The following NRXN3 variants were observed in gnomAD, a reference collection of about 807,000 sequenced individuals.
NRXN3 encodes the protein neurexin 3.
In NRXN3, 32 loss-of-function variants were observed where a neutral mutation model predicts 137.6. The ratio of observed to expected loss-of-function variants is 0.23; its 90% CI spans 0.18 to 0.31. The LOEUF (loss-of-function observed/expected upper bound fraction) is 0.31. Ranked by LOEUF, NRXN3 falls within the 10% of genes least tolerant of loss-of-function variation. NRXN3 has a pLI of 1.00. For missense variants in NRXN3, 1,574 were observed against 2,062.5 expected, an observed-to-expected ratio of 0.76 and a Z score of 4.59; for synonymous variants, 798 against 784.5, an observed-to-expected ratio of 1.02 and a Z score of -0.29.
At chr14:78,392,239 C>T (rs894435479) in intron 4 of NRXN3, among the ~76,000 whole-genome samples, 2 of 152,190 alleles carry the variant, frequency 1.3e-5, no homozygotes, top group Admixed American at 1.3e-4. Context: ...TCCATGGCTC[C>T]ACTGTGGGAA....
At chr14:79,638,348 C>T (rs1388864383) in intron 16 of NRXN3, among the ~76,000 whole-genome samples, 1 of 152,006 alleles carries the variant, frequency 6.6e-6, no homozygotes, top group Non-Finnish European at 1.5e-5. Flanking sequence ...TCTTTTTCTA[C>T]TTATGTGATC....
intron 15 of NRXN3, among the ~76,000 whole-genome samples, chr14:79,050,959 G>T (rs574580703): frequency 6.6e-6 from 1 of 152,180 alleles, no homozygotes; most frequent in East Asian, 1.9e-4. Flanking sequence ...TGAACACTCT[G>T]TGCCCAGAAC....
chr14:79,703,289 G>A (rs1471664021), intron 19 of NRXN3, among the ~76,000 whole-genome samples: 1 of 152,124 alleles, frequency 6.6e-6, no homozygotes, highest in Non-Finnish European at 1.5e-5. Context: ...TGTCAGACTG[G>A]AGACAGTAAG....
intron 19 of NRXN3, among the ~76,000 whole-genome samples, chr14:79,794,357 C>T (rs1249131209): frequency 1.3e-5 from 2 of 151,916 alleles, no homozygotes; most frequent in Non-Finnish European, 2.9e-5. Flanking sequence ...GAGTGAGACT[C>T]TGTCTCAAAA....
In NRXN3 at chr14:79,073,665, C is replaced by A. The variant is rs138591405; in HGVS notation, c.3262+85524C>A. Among the ~76,000 whole-genome samples the A allele has an allele frequency of 2.1e-4, 32 of 152,242 alleles. No homozygotes were observed. The East Asian group carries it at 6.2e-3, about 29-fold the overall frequency. ...CCTTCCCTTTGCAACTGTTCCCAGC[C>A]CTTCTTTAAAAATCTAAGTCAGAAA... On this transcript the variant is annotated intron_variant, in intron 15 of 20. Coordinates refer to ENST00000335750, the MANE Select transcript of NRXN3 (RefSeq NM_001330195.2).
intron 8 of NRXN3, among the ~76,000 whole-genome samples, chr14:78,773,870 T>G (rs2098736601): frequency 6.6e-6 from 1 of 152,120 alleles, no homozygotes; most frequent in Non-Finnish European, 1.5e-5. Flanking sequence ...GGCGCGATCT[T>G]GGCTCACTGC....
In NRXN3 at chr14:79,861,389, G is replaced by A. The variant is rs1203264894; in HGVS notation, c.4141G>A (p.Ala1381Thr). Residue 1381 changes from alanine to threonine, a missense_variant, in exon 21 of 21, where the codon GCG becomes ACG. By Grantham distance (58) the Ala-to-Thr change is moderately conservative. Around this residue, in one of 5 missense-constraint regions of NRXN3, gnomAD observed 320 missense variants for 387.1 expected, o/e 0.83. Coordinates refer to ENST00000335750, the MANE Select transcript of NRXN3 (RefSeq NM_001330195.2). This position sits in a 1 kb window ranked among gnomAD's most constrained non-coding sequence, Gnocchi z 5.4. ...SIFEGGYKAHAPKWESKDFRP... is the reference protein window; with the variant it reads ...SIFEGGYKAHTPKWESKDFRP... ...CTTCGAAGGTGGCTACAAAGCACATGCGCCCAAGTGGGAATCCAAGGACTT... is the reference window on the plus strand; with the variant it reads ...CTTCGAAGGTGGCTACAAAGCACATACGCCCAAGTGGGAATCCAAGGACTT... 2.0e-6 allele frequency: 3 copies of A among 1,536,074 alleles called. No individual in the cohort carries two copies. In the African/African-American group the frequency reaches 4.1e-5, roughly 21 times the overall value.
chr14:78,508,865 T>C (rs955712323), intron 4 of NRXN3, among the ~76,000 whole-genome samples: 1 of 152,144 alleles, frequency 6.6e-6, no homozygotes, highest in African/African-American at 2.4e-5. Context: ...AATAAAAAAA[T>C]AGATTTTAAG....
chr14:78,205,863 G>C (rs150446904), intron 1 of NRXN3, among the ~76,000 whole-genome samples: 103 of 152,336 alleles, frequency 6.8e-4, no homozygotes, highest in African/African-American at 2.1e-3. Context: ...GAATGGGTGA[G>C]AGAGGACCAG....
At chr14:78,436,111 A>G (rs556127515) in intron 4 of NRXN3, among the ~76,000 whole-genome samples, 90 of 152,274 alleles carry the variant, frequency 5.9e-4, no homozygotes, top group South Asian at 1.9e-3. Context: ...AAAGAAAATC[A>G]CAGGTTAACT....
intron 4 of NRXN3, among the ~76,000 whole-genome samples, chr14:78,496,101 G>A (rs918448345): frequency 6.6e-6 from 1 of 152,170 alleles, no homozygotes; most frequent in Non-Finnish European, 1.5e-5. Flanking sequence ...TTCCATTAAT[G>A]ACCTGGATAG....
At chr14:78,345,460 A>T (rs993172158) in intron 4 of NRXN3, among the ~76,000 whole-genome samples, 1 of 152,186 alleles carries the variant, frequency 6.6e-6, no homozygotes, top group Admixed American at 6.5e-5. Context: ...TGCTAAGAAG[A>T]TAAAATTAAT....
intron 10 of NRXN3, among the ~76,000 whole-genome samples, chr14:78,865,842 A>G (rs1052651142): frequency 6.6e-6 from 1 of 152,188 alleles, no homozygotes; most frequent in Admixed American, 6.5e-5. Flanking sequence ...CATTTATTCA[A>G]TCAATGAGAG....
rs3037807 is a variant in NRXN3 at position 78,374,769 on chromosome 14, CAA to C, written c.757+76933_757+76934del. ...TGGGGACAGAGTGAGACTCCATCTCCAAAAAAAAAAAAAAAAAAAAAAAAAGC... is the reference window on the plus strand; with the variant it reads ...TGGGGACAGAGTGAGACTCCATCTCCAAAAAAAAAAAAAAAAAAAAAAAGC... On this transcript the variant is annotated intron_variant, in intron 4 of 20. Transcript: ENST00000335750. Among the ~76,000 whole-genome samples, 57 of 115,496 alleles carry C rather than the reference CAA, an allele frequency of 4.9e-4. No individual in the cohort carries two copies. The South Asian group carries it at 0.016, about 33-fold the overall frequency. The allele number at this position is 115,496 out of a possible 152,430, so 75.8% of individuals were successfully genotyped here. A position where few individuals can be genotyped will look rare whatever the true frequency, so the allele number is the denominator to read the frequency against.
intron 15 of NRXN3, among the ~76,000 whole-genome samples, chr14:78,994,508 A>G (rs1448040290): frequency 6.6e-6 from 1 of 152,230 alleles, no homozygotes; most frequent in Non-Finnish European, 1.5e-5. Context: ...TAGGCCTCAT[A>G]GGGCTCAAAT....
chr14:78,352,517 C>G (rs977795198), intron 4 of NRXN3, among the ~76,000 whole-genome samples: 9 of 152,250 alleles, frequency 5.9e-5, no homozygotes, highest in African/African-American at 1.9e-4. Context: ...ACCATGACCC[C>G]TGGTTGAAGA....
At chr14:78,263,730 G>T (rs2071185916) in intron 2 of NRXN3, among the ~76,000 whole-genome samples, 1 of 152,010 alleles carries the variant, frequency 6.6e-6, no homozygotes, top group South Asian at 2.1e-4. Context: ...ATGTTCTTTT[G>T]TGGCCATTAT....
At position 79,380,623 on chromosome 14, in the gene NRXN3, G is replaced by A. The variant is rs186889545; in HGVS notation, c.3263-86598G>A. Among the ~76,000 whole-genome samples, 34 of 152,230 alleles carry A rather than the reference G, an allele frequency of 2.2e-4. 1 individual carries two copies. Among genetic ancestry groups the A allele is most frequent in the African/African-American group, 7.9e-4 (33 of 41,538 alleles). ...TGTTGGACATTTGGGTTGGTTCCAAGTCTTTGGTATTGTGAATAGTGCCGC... is the reference window on the plus strand; with the variant it reads ...TGTTGGACATTTGGGTTGGTTCCAAATCTTTGGTATTGTGAATAGTGCCGC... On this transcript the variant is annotated intron_variant, in intron 15 of 20. Transcript: ENST00000335750.
chr14:78,609,142 A>G (rs1261331632), intron 4 of NRXN3, among the ~76,000 whole-genome samples: 1 of 152,124 alleles, frequency 6.6e-6, no homozygotes, highest in African/African-American at 2.4e-5. Flanking sequence ...TCATCTTGAA[A>G]CTAATAGCTG....
Sources: gnomAD v4.1 joint callset for allele counts (sites outside exome capture counted in the v4.1 genomes callset) on GRCh38, gnomAD v4.1.1 for gene constraint, gnomAD v4.1.1 regional missense constraint, Gnocchi (gnomAD v3.1) non-coding constraint, MANE v1.5 for transcripts, NCBI Gene and HGNC (gene_info 2026-07-23, HGNC 2026-07-21) for gene names.